Variants in TRPC7 observed in about 807,000 individuals in gnomAD.
TRPC7 encodes short transient receptor potential channel 7.
Under a neutral mutation model 90.1 loss-of-function variants are expected in TRPC7, and 42 were observed. The ratio of observed to expected loss-of-function variants is 0.47; its 90% CI spans 0.36 to 0.60. The LOEUF is 0.60. Ranked by LOEUF, TRPC7 falls within the 20% of genes least tolerant of loss-of-function variation. The pLI, the probability that TRPC7 is intolerant of heterozygous loss-of-function variation, is 0.00. For synonymous variants in TRPC7, 451 were observed against 436.3 expected, an observed-to-expected ratio of 1.03 and a Z score of -0.42; for missense variants, 955 against 1,112.3, an observed-to-expected ratio of 0.86 and a Z score of 2.01.
rs1316658120 is a variant in TRPC7 at position 136,231,335 on chromosome 5, T to A, written c.2040+19A>T. Reference sequence around the variant, plus strand: ...AATTAGATGAAGGAGAGCAAGCATTTTCAGTGACCTGGCCTTACCTCAATT... The same window carrying A: ...AATTAGATGAAGGAGAGCAAGCATTATCAGTGACCTGGCCTTACCTCAATT... On this transcript the variant is annotated intron_variant, in intron 8 of 11. Transcript: ENST00000513104. 6 of 1,564,068 alleles carry A rather than the reference T, an allele frequency of 3.8e-6. No individual in the cohort carries two copies. Among genetic ancestry groups the A allele is most frequent in the South Asian group, 1.2e-5 (1 of 82,730 alleles).
intron 3 of TRPC7, among the ~76,000 whole-genome samples, chr5:136,279,557 T>C (rs976823426): frequency 2.0e-5 from 3 of 152,288 alleles, no homozygotes; most frequent in South Asian, 2.1e-4. Flanking sequence ...TATGTTGTCA[T>C]GGCCAGAGTC....
At chr5:136,365,191 G>A in intron 1 of TRPC7, 62 bp downstream of exon 1, 1 of 1,516,332 alleles carries the variant, frequency 6.6e-7, no homozygotes, top group Non-Finnish European at 8.9e-7. Flanking sequence ...ACATATTTTA[G>A]CGAGAACACA....
At chr5:136,253,154 G>GC (rs1727383993) in intron 5 of TRPC7, among the ~76,000 whole-genome samples, 1 of 152,210 alleles carries the variant, frequency 6.6e-6, no homozygotes, top group Non-Finnish European at 1.5e-5. Context: ...TTTTGGATAT[G>GC]ATAGGTTAAG....
chr5:136,221,487 T>A (rs1199232665), intron 10 of TRPC7, among the ~76,000 whole-genome samples: 2 of 152,142 alleles, frequency 1.3e-5, no homozygotes, highest in Non-Finnish European at 2.9e-5. Context: ...AGGACATCTT[T>A]CTATGGGAGA....
At chr5:136,256,614 C>A (rs1245567204) in intron 5 of TRPC7, among the ~76,000 whole-genome samples, 1 of 152,092 alleles carries the variant, frequency 6.6e-6, no homozygotes, top group Non-Finnish European at 1.5e-5. Context: ...GCAGATCCTC[C>A]TCTAGTGGAT....
intron 3 of TRPC7, among the ~76,000 whole-genome samples, chr5:136,292,010 A>C (rs1757976319): frequency 6.6e-6 from 1 of 151,852 alleles, no homozygotes; most frequent in African/African-American, 2.4e-5. Context: ...GCTCAACTAC[A>C]TGGAAACTGA....
chr5:136,220,911 C>T (rs2149793279), intron 10 of TRPC7, among the ~76,000 whole-genome samples: 1 of 152,254 alleles, frequency 6.6e-6, no homozygotes, highest in South Asian at 2.1e-4. Flanking sequence ...CTTTATTTCT[C>T]AGATGGCCGA....
Position 136,301,332 on chromosome 5 carries a change from ATTTTTTTTT to A in TRPC7, c.963+14256_963+14264del, listed in dbSNP as rs368799815. ...TTGAGCCACTGCACCCAGCCCAGGC[ATTTTTTTTT>A]TTTTTTTTTTTTTTTTTTTAACAAA... On this transcript the variant is annotated intron_variant, in intron 3 of 11. Transcript: ENST00000513104. Among the ~76,000 whole-genome samples the A allele has an allele frequency of 6.2e-4, 53 of 85,692 alleles. 2 individuals are homozygous for A. The South Asian group carries it at 0.015, about 24-fold the overall frequency. 56.2% of individuals were successfully genotyped at this position (85,692 alleles called of 152,430 possible).
chr5:136,259,093 T>C (rs567085291), intron 5 of TRPC7, among the ~76,000 whole-genome samples: 2 of 152,352 alleles, frequency 1.3e-5, no homozygotes, highest in South Asian at 4.1e-4. Context: ...TTTTCTAATA[T>C]AGTAGCCCCC....
intron 10 of TRPC7, among the ~76,000 whole-genome samples, chr5:136,219,117 G>T (rs1438060553): frequency 1.3e-5 from 2 of 152,162 alleles, no homozygotes; most frequent in African/African-American, 4.8e-5. Flanking sequence ...TTTTATGCAG[G>T]GGGAAGCCTC....
At chr5:136,285,065 G>C (rs1214894474) in intron 3 of TRPC7, among the ~76,000 whole-genome samples, 1 of 152,202 alleles carries the variant, frequency 6.6e-6, no homozygotes, top group Non-Finnish European at 1.5e-5. Context: ...TGTTATTATT[G>C]CTGTTACTAC....
At chr5:136,246,982 T>C (rs970195057) in intron 7 of TRPC7, among the ~76,000 whole-genome samples, 2 of 152,220 alleles carry the variant, frequency 1.3e-5, no homozygotes, top group Non-Finnish European at 2.9e-5. Flanking sequence ...TTGTTTACCC[T>C]GAGATAACTC....
In TRPC7 at chr5:136,283,685, A is replaced by G. The variant is rs1249484181; in HGVS notation, c.964-8848T>C. ...GAAAAGGGTCTGAGGACCACCTCAT[A>G]CTGAGCTTAGAAACCTTGCTCATGA... On this transcript the variant is annotated intron_variant, in intron 3 of 11. Transcript: ENST00000513104. Among the ~76,000 whole-genome samples the G allele has an allele frequency of 2.0e-5, 3 of 152,300 alleles. No individual in the cohort carries two copies. The East Asian group carries it at 5.8e-4, about 29-fold the overall frequency.
chr5:136,277,086 T>C (rs1004123362), intron 3 of TRPC7, among the ~76,000 whole-genome samples: 4 of 152,232 alleles, frequency 2.6e-5, no homozygotes, highest in African/African-American at 7.2e-5. Flanking sequence ...TTGCTTCTTG[T>C]CTGTATCTAG....
chr5:136,321,736 C>T (rs559024616), intron 2 of TRPC7, among the ~76,000 whole-genome samples: 2 of 152,246 alleles, frequency 1.3e-5, no homozygotes, highest in East Asian at 1.9e-4. Flanking sequence ...AAACTCTTGA[C>T]TCATCTTTCT....
chr5:136,314,276 G>A (rs892451401), intron 3 of TRPC7: 1 of 152,166 alleles, frequency 6.6e-6, no homozygotes, highest in Non-Finnish European at 1.5e-5. Flanking sequence ...TCCACAGCAG[G>A]GTTTGTTTGA....
chr5:136,325,781 G>T (rs1466088790), intron 2 of TRPC7, among the ~76,000 whole-genome samples: 1 of 151,984 alleles, frequency 6.6e-6, no homozygotes, highest in Non-Finnish European at 1.5e-5. Flanking sequence ...AATTTGTGCT[G>T]ACTTCCCAAA....
Position 136,356,953 on chromosome 5 carries a change from C to T in TRPC7, c.435G>A (p.Glu145=). 6.2e-7 allele frequency: 1 copy of T among 1,612,848 alleles called. No individual in the cohort carries two copies. The highest frequency in any genetic ancestry group is 8.5e-7 in the Non-Finnish European group (1 of 1,179,688). Reference sequence around the variant, plus strand: ...AGGCATAGAAGTCGTCGTCGCGCAGCTCCTGTTCCAGCGGGCTGAGCGTCA... The same window carrying T: ...AGGCATAGAAGTCGTCGTCGCGCAGTTCCTGTTCCAGCGGGCTGAGCGTCA... The part of the protein sequence containing the change: ...QRLTLSPLEQ[E]LRDDDFYAYD... The change falls in exon 2 of 12, where the codon GAG becomes GAA. Residue 145 remains glutamate (E), a synonymous_variant. Coordinates refer to ENST00000513104, the MANE Select transcript of TRPC7 (RefSeq NM_020389.3).
chr5:136,344,035 T>A (rs1350039525), intron 2 of TRPC7, among the ~76,000 whole-genome samples: 1 of 152,088 alleles, frequency 6.6e-6, no homozygotes, highest in African/African-American at 2.4e-5. Context: ...ACCTCAATGC[T>A]CATCAATGCT....
Sources: allele counts gnomAD v4.1 joint callset (sites outside exome capture counted in the v4.1 genomes callset), GRCh38; gene constraint gnomAD v4.1.1; transcripts MANE v1.5; gene names NCBI Gene and HGNC (gene_info 2026-07-23, HGNC 2026-07-21).